Variants in NLGN4X observed in about 807,000 individuals in gnomAD.
NLGN4X encodes neuroligin-4, X-linked.
In NLGN4X, 3 loss-of-function variants were observed where a neutral mutation model predicts 40.3. The observed-to-expected ratio is 0.07, with a 90% CI of 0.03 to 0.19. The LOEUF (loss-of-function observed/expected upper bound fraction) is 0.19, where lower values mean the gene tolerates loss of function less well. NLGN4X is among the 10% of genes least tolerant of loss of function. The probability of loss-of-function intolerance (pLI) is 1.00; values close to 1 mark genes in which losing one functional copy is unlikely to be tolerated. For synonymous variants in NLGN4X, 270 were observed against 306.8 expected (o/e 0.88, Z 1.25); for missense variants, 382 against 708.3 (o/e 0.54, Z 5.23).
chrX:6,001,901 G>A (rs1398756348), intron 3 of NLGN4X, among the ~76,000 whole-genome samples: 1 of 111,606 alleles, frequency 9.0e-6, no homozygotes, highest in Non-Finnish European at 1.9e-5. Flanking sequence ...AATCTCATTT[G>A]AAAACAAATG....
At chrX:5,995,850 C>G (rs2035803111) in intron 3 of NLGN4X, among the ~76,000 whole-genome samples, 1 of 112,029 alleles carries the variant, frequency 8.9e-6, no homozygotes, top group Non-Finnish European at 1.9e-5. Context: ...CATCCTCACT[C>G]TTTCTTTTCT....
chrX:5,970,300 C>A (rs369536161), intron 3 of NLGN4X, among the ~76,000 whole-genome samples: 1 of 111,104 alleles, frequency 9.0e-6, no homozygotes. Flanking sequence ...AACAAACCTG[C>A]ACGTTGTGCA....
intron 3 of NLGN4X, among the ~76,000 whole-genome samples, chrX:6,015,480 G>A (rs972407022): frequency 9.0e-6 from 1 of 111,008 alleles, no homozygotes; most frequent in African/African-American, 3.3e-5. Flanking sequence ...TGTAAGGAAC[G>A]GAGGGATGCC....
intron 2 of NLGN4X, among the ~76,000 whole-genome samples, chrX:6,030,392 A>AT (rs56353701): frequency 2.9e-5 from 2 of 68,296 alleles, no homozygotes; most frequent in Non-Finnish European, 4.9e-5. Flanking sequence ...CTGGATACAG[A>AT]TATGTGTGTG....
chrX:6,193,415 A>C (rs1922748830), intron 1 of NLGN4X, among the ~76,000 whole-genome samples: 1 of 106,893 alleles, frequency 9.4e-6, no homozygotes, highest in South Asian at 4.1e-4. Flanking sequence ...TCTCAAAAAA[A>C]AAAAAAAAAA....
At chrX:6,137,398 C>T (rs1189275984) in intron 2 of NLGN4X, among the ~76,000 whole-genome samples, 2 of 111,738 alleles carry the variant, frequency 1.8e-5, no homozygotes, top group Non-Finnish European at 3.8e-5. Flanking sequence ...AGGTGAAATT[C>T]CTAGGCACCA....
intron 2 of NLGN4X, among the ~76,000 whole-genome samples, chrX:6,126,154 A>G (rs997099573): frequency 1.4e-5 from 1 of 70,061 alleles, no homozygotes; most frequent in African/African-American, 5.9e-5. Flanking sequence ...ACAAAAGAAA[A>G]CATTTTTTAA....
At chrX:6,109,213 C>T (rs2039093325) in intron 2 of NLGN4X, among the ~76,000 whole-genome samples, 1 of 111,571 alleles carries the variant, frequency 9.0e-6, no homozygotes, top group East Asian at 2.8e-4. Flanking sequence ...TTACAGTGAG[C>T]TATGATTGCA....
intron 3 of NLGN4X, among the ~76,000 whole-genome samples, chrX:6,028,787 A>C (rs1052013128): frequency 8.9e-5 from 10 of 112,748 alleles, no homozygotes; most frequent in African/African-American, 3.2e-4. Flanking sequence ...ACTAACAGCT[A>C]AGTTTCCCTG....
At chrX:6,056,951 T>C (rs1390489771) in intron 2 of NLGN4X, among the ~76,000 whole-genome samples, 1 of 111,867 alleles carries the variant, frequency 8.9e-6, no homozygotes, top group Non-Finnish European at 1.9e-5. Flanking sequence ...GATCGACACA[T>C]TCCCTAGCTC....
chrX:6,057,885 T>C (rs1159389921), intron 2 of NLGN4X, among the ~76,000 whole-genome samples: 1 of 111,761 alleles, frequency 8.9e-6, no homozygotes, highest in Non-Finnish European at 1.9e-5. Flanking sequence ...GCAATTTACC[T>C]ACACACTCAC....
At chrX:5,900,560 C>CTTTTTT (rs1163973694) in intron 5 of NLGN4X, among the ~76,000 whole-genome samples, 1 of 45,596 alleles carries the variant, frequency 2.2e-5, no homozygotes, top group Non-Finnish European at 3.8e-5. Context: ...GTTTTTGGTG[C>CTTTTTT]TTTTTTTTTT....
At chrX:6,166,136 A>T (rs1265709783) in intron 1 of NLGN4X, among the ~76,000 whole-genome samples, 1 of 112,819 alleles carries the variant, frequency 8.9e-6, no homozygotes, top group African/African-American at 3.2e-5. Context: ...AATACTGTTT[A>T]CGCTTATTGT....
intron 2 of NLGN4X, among the ~76,000 whole-genome samples, chrX:6,071,031 A>T (rs1260006331): frequency 9.0e-6 from 1 of 111,626 alleles, no homozygotes; most frequent in Non-Finnish European, 1.9e-5. Flanking sequence ...AAGGAAGCTG[A>T]GGTGAGCGGA....
intron 3 of NLGN4X, among the ~76,000 whole-genome samples, chrX:5,914,949 A>G (rs1345346484): frequency 1.8e-5 from 2 of 112,681 alleles, no homozygotes; most frequent in Admixed American, 9.4e-5. Context: ...CTGACTGAAA[A>G]CATGTAGGAT....
At chrX:5,973,183 C>T (rs2035075334) in intron 3 of NLGN4X, among the ~76,000 whole-genome samples, 1 of 112,173 alleles carries the variant, frequency 8.9e-6, no homozygotes, top group South Asian at 3.7e-4. Context: ...GACCAGGGGT[C>T]AGCAAACTAT....
At chrX:6,080,840 GTTTATTTA>G (rs963486348) in intron 2 of NLGN4X, among the ~76,000 whole-genome samples, 1 of 111,135 alleles carries the variant, frequency 9.0e-6, no homozygotes, top group African/African-American at 3.3e-5. Flanking sequence ...TTTATAATTT[GTTTATTTA>G]TTTTTTTAAT....
chrX:6,005,723 C>A (rs941204042), intron 3 of NLGN4X, among the ~76,000 whole-genome samples: 1 of 110,991 alleles, frequency 9.0e-6, no homozygotes, highest in Admixed American at 9.6e-5. Flanking sequence ...ACCTCTGGTC[C>A]CTTCCCCGAG....
At chrX:5,994,298 T>C (rs1569174996) in intron 3 of NLGN4X, among the ~76,000 whole-genome samples, 1 of 111,633 alleles carries the variant, frequency 9.0e-6, no homozygotes, top group East Asian at 2.8e-4. Flanking sequence ...TGCTGCCTAT[T>C]TGTGCTTTAT....
Sources: allele counts gnomAD v4.1 joint callset (sites outside exome capture counted in the v4.1 genomes callset), GRCh38; gene constraint gnomAD v4.1.1; transcripts MANE v1.5; gene names NCBI Gene and HGNC (gene_info 2026-07-23, HGNC 2026-07-21).